LAMC1: variants seen among roughly 807,000 people sequenced by gnomAD.
LAMC1 encodes the protein laminin subunit gamma-1.
LAMC1 carries 38 observed loss-of-function variants against 173.6 expected under a neutral mutation model. The observed-to-expected ratio is 0.22, with a 90% CI of 0.17 to 0.29. The LOEUF (loss-of-function observed/expected upper bound fraction) is 0.29. LAMC1 is among the 10% of genes least tolerant of loss of function. The probability of loss-of-function intolerance (pLI) is 1.00; values close to 1 mark genes in which losing one functional copy is unlikely to be tolerated. For synonymous variants in LAMC1, 746 were observed against 749.1 expected (o/e 1.00, Z 0.07); for missense variants, 1,824 against 2,051.8 (o/e 0.89, Z 2.14).
Position 183,127,243 on chromosome 1 carries a change from G to A in LAMC1, c.2962G>A (p.Glu988Lys), listed in dbSNP as rs750433323. The part of the protein sequence containing the change: ...EGCKPCDCHP[E>K]GSLSLQCKDD... ...TTCTGCAGCCTGTGACTGTCATCCT[G>A]AGGGATCTCTTTCACTTCAGTGCAA... is the stretch of plus-strand genomic sequence containing the variant. Residue 988 changes from glutamate (E) to lysine (K), a missense_variant, in exon 17 of 28, where the codon GAG becomes AAG. By Grantham distance (56) the Glu-to-Lys change is moderately conservative (BLOSUM62 1). Coordinates refer to ENST00000258341, the MANE Select transcript of LAMC1 (RefSeq NM_002293.4). 15 of 1,613,986 alleles carry A rather than the reference G, an allele frequency of 9.3e-6. No homozygotes were observed. The South Asian group carries it at 1.5e-4, about 17-fold the overall frequency.
At chr1:183,135,018 C>T (rs1274290771) in intron 23 of LAMC1, 24 bp from the exon 24 acceptor site, 6 of 1,573,530 alleles carry the variant, frequency 3.8e-6, no homozygotes. Flanking sequence ...AGGGTTCATC[C>T]TCTCATCTGC....
intron 1 of LAMC1, among the ~76,000 whole-genome samples, chr1:183,053,686 C>T (rs947656639): frequency 6.6e-6 from 1 of 151,794 alleles, no homozygotes; most frequent in Non-Finnish European, 1.5e-5. Flanking sequence ...AGTGCAGTGG[C>T]ACGAACTTGG....
intron 2 of LAMC1, among the ~76,000 whole-genome samples, chr1:183,105,882 T>C (rs7414273): frequency 0.52 from 78,601 of 152,098 alleles, 21,004 homozygotes; most frequent in South Asian, 0.65. Context: ...GGAGACCCTT[T>C]TTGGTTTCAC....
At chr1:183,058,306 A>C (rs1464915585) in intron 1 of LAMC1, among the ~76,000 whole-genome samples, 1 of 152,188 alleles carries the variant, frequency 6.6e-6, no homozygotes, top group African/African-American at 2.4e-5. Context: ...TGAATTTTAC[A>C]ATGCTTTGCA....
chr1:183,131,528 CTAAGA>C (rs1453764513), intron 20 of LAMC1, 150 bp downstream of exon 20: 1 of 558,760 alleles, frequency 1.8e-6, no homozygotes, highest in Non-Finnish European at 3.2e-6. Context: ...GCTCTCTTTT[CTAAGA>C]TATTATCAGC....
chr1:183,127,313 G>T lies in LAMC1; in HGVS notation c.3032G>T (p.Arg1011Leu), dbSNP rs137973348. 3 of 1,614,112 alleles carry T rather than the reference G, an allele frequency of 1.9e-6. No individual in the cohort carries two copies. The highest frequency in any genetic ancestry group is 1.7e-5 in the Admixed American group (1 of 60,014). The change falls in exon 17 of 28, where the codon CGC (arginine) becomes CTC (leucine). Residue 1011 changes from arginine to leucine, a missense_variant. By Grantham distance (102) the Arg-to-Leu change is moderately radical (BLOSUM62 -2). Transcript: ENST00000258341. Reference sequence around the variant, plus strand: ...TGCAGAGAAGGCTTTGTGGGAAATCGCTGTGACCAGTGTGAAGAAAACTAT... The same window carrying T: ...TGCAGAGAAGGCTTTGTGGGAAATCTCTGTGACCAGTGTGAAGAAAACTAT... ...CECREGFVGN[R>L]CDQCEENYFY...
intron 1 of LAMC1, among the ~76,000 whole-genome samples, chr1:183,050,891 C>CA (rs779377179): frequency 0.11 from 5,700 of 53,966 alleles, 449 homozygotes; most frequent in African/African-American, 0.26. Context: ...AACTCCATCT[C>CA]AAAAAAAAAA....
intron 1 of LAMC1, among the ~76,000 whole-genome samples, chr1:183,068,822 G>A (rs113015724): frequency 0.021 from 3,217 of 152,098 alleles, 62 homozygotes; most frequent in South Asian, 0.079. Context: ...GGCGCCTGTA[G>A]TCCCAGCTAC....
At chr1:183,064,055 G>A (rs1654804179) in intron 1 of LAMC1, among the ~76,000 whole-genome samples, 1 of 152,146 alleles carries the variant, frequency 6.6e-6, no homozygotes, top group Non-Finnish European at 1.5e-5. Context: ...AGCAAAGTGG[G>A]TAAACTTTAT....
intron 1 of LAMC1, among the ~76,000 whole-genome samples, chr1:183,056,737 A>G (rs1654606920): frequency 6.6e-6 from 1 of 152,194 alleles, no homozygotes; most frequent in Non-Finnish European, 1.5e-5. Flanking sequence ...TTTCTAGACT[A>G]GAGCTTTCTC....
Position 183,117,685 on chromosome 1 carries a change from T to C in LAMC1, c.1839T>C (p.Asn613=). The C allele has an allele frequency of 6.2e-7, 1 of 1,614,230 alleles. No homozygotes were observed. The change falls in exon 10 of 28, where the codon AAT becomes AAC. Residue 613 remains asparagine (N), a synonymous_variant. Transcript: ENST00000258341. ...RVSVPLIAQG[N]SYPSETTVKY... is the part of the protein sequence containing the mutation. Reference sequence around the variant, plus strand: ...CTGTACCCTTGATCGCTCAGGGCAATTCCTATCCAAGTGAGACCACTGTGA... The same window carrying C: ...CTGTACCCTTGATCGCTCAGGGCAACTCCTATCCAAGTGAGACCACTGTGA...
chr1:183,124,549 A>G lies in LAMC1; in HGVS notation c.2402-82A>G, dbSNP rs1454282991. 4.0e-6 allele frequency: 6 copies of G among 1,505,176 alleles called. No individual in the cohort carries two copies. In the East Asian group the frequency reaches 1.4e-4, roughly 34 times the overall value. The allele number at this position is 1,505,176 out of a possible 1,614,324, so 93.2% of individuals were successfully genotyped here. A position where few individuals can be genotyped will look rare whatever the true frequency, so the allele number is the denominator to read the frequency against. ...TCTTCTCTCATGTGATGATTACACT[A>G]GATTACCTGTAGCCAGTGGTAATCT... On this transcript the variant is annotated intron_variant, in intron 13 of 27. Coordinates refer to ENST00000258341, the MANE Select transcript of LAMC1 (RefSeq NM_002293.4).
intron 1 of LAMC1, among the ~76,000 whole-genome samples, chr1:183,094,063 GAGCCCTCCA>G (rs1655633480): frequency 6.6e-6 from 1 of 152,130 alleles, no homozygotes; most frequent in African/African-American, 2.4e-5. Context: ...GTGATCTACA[GAGCCCTCCA>G]TGTTGGCATT....
chr1:183,026,625 A>C (rs1027551243), intron 1 of LAMC1, among the ~76,000 whole-genome samples: 1 of 152,190 alleles, frequency 6.6e-6, no homozygotes, highest in African/African-American at 2.4e-5. Context: ...CTCCCAGTTC[A>C]AATTTCACAT....
At chr1:183,093,855 A>G (rs1191051133) in intron 1 of LAMC1, among the ~76,000 whole-genome samples, 1 of 152,136 alleles carries the variant, frequency 6.6e-6, no homozygotes, top group Admixed American at 6.5e-5. Flanking sequence ...AATATGTCCA[A>G]AATACCATTA....
chr1:183,091,134 A>G (rs1655556126), intron 1 of LAMC1, among the ~76,000 whole-genome samples: 1 of 152,128 alleles, frequency 6.6e-6, no homozygotes. Context: ...TCACGATAGT[A>G]GAGAAAAAAT....
chr1:183,118,104 A>G lies in LAMC1; in HGVS notation c.1948A>G (p.Asn650Asp). 2 of 1,612,496 alleles carry G rather than the reference A, an allele frequency of 1.2e-6. No homozygotes were observed. Among genetic ancestry groups the G allele is most frequent in the South Asian group, 2.2e-5 (2 of 91,034 alleles). The change falls in exon 11 of 28, where the codon AAC becomes GAC. Residue 650 changes from asparagine (N) to aspartate (D), a missense_variant. Coordinates refer to ENST00000258341, the MANE Select transcript of LAMC1 (RefSeq NM_002293.4). The stretch of plus-strand genomic sequence containing the variant: ...TTTTGAATTTCAGAAGCTCCTAAAC[A>G]ACTTGACCTCTATCAAGATACGTGG... Reference protein sequence around the residue: ...TPFEFQKLLNNLTSIKIRGTY... With the variant: ...TPFEFQKLLNDLTSIKIRGTY...
At chr1:183,125,228 C>A in intron 14 of LAMC1, 169 bp from the exon 15 acceptor site, 1 of 664,812 alleles carries the variant, frequency 1.5e-6, no homozygotes, top group Non-Finnish European at 2.6e-6. Flanking sequence ...ACGTTTATAG[C>A]ACATCTCAAT....
At chr1:183,080,799 T>C (rs79733088) in intron 1 of LAMC1, among the ~76,000 whole-genome samples, 15,799 of 151,910 alleles carry the variant, frequency 0.1, 1,022 homozygotes, top group Admixed American at 0.2. Flanking sequence ...TTCAACACAG[T>C]CCTTGGCTTT....
Sources: gnomAD v4.1 joint callset for allele counts (sites outside exome capture counted in the v4.1 genomes callset) on GRCh38, gnomAD v4.1.1 for gene constraint, MANE v1.5 for transcripts, NCBI Gene and HGNC (gene_info 2026-07-23, HGNC 2026-07-21) for gene names.